Variants in NDUFS2 observed in about 807,000 individuals in gnomAD.
NDUFS2 encodes the protein NADH dehydrogenase [ubiquinone] iron-sulfur protein 2, mitochondrial.
Under a neutral mutation model 69.6 loss-of-function variants are expected in NDUFS2, and 38 were observed. The observed-to-expected ratio is 0.55, with a 90% confidence interval of 0.42 to 0.72. The LOEUF (loss-of-function observed/expected upper bound fraction) is 0.72. NDUFS2 is among the 30% of genes least tolerant of loss of function. The pLI, the probability that NDUFS2 is intolerant of heterozygous loss-of-function variation, is 0.00. For missense variants in NDUFS2, 468 were observed against 595.0 expected, an observed-to-expected ratio of 0.79 and a Z score of 2.22; for synonymous variants, 194 against 211.2, an observed-to-expected ratio of 0.92 and a Z score of 0.70.
intron 6 of NDUFS2, 34 bp downstream of exon 6, chr1:161,209,965 CCCAGG>C: frequency 6.2e-7 from 1 of 1,612,558 alleles, no homozygotes; most frequent in Non-Finnish European, 8.5e-7. Context: ...AAATGTCCAG[CCCAGG>C]CCTATTTTCC....
At chr1:161,204,407 C>G (rs1209811536) in intron 2 of NDUFS2, among the ~76,000 whole-genome samples, 1 of 152,146 alleles carries the variant, frequency 6.6e-6, no homozygotes, top group Non-Finnish European at 1.5e-5. Flanking sequence ...TGTCTCATAT[C>G]TGGTCATCTC....
upstream of NDUFS2, chr1:161,198,687 C>A: frequency 7.1e-7 from 1 of 1,412,476 alleles, no homozygotes; most frequent in Non-Finnish European, 9.3e-7. This position sits in a 1 kb window ranked among gnomAD's most constrained non-coding sequence, Gnocchi z 4.7. Context: ...TCCTCCACAC[C>A]CTAGCTTTGG....
At chr1:161,197,634 T>G, upstream of NDUFS2, 2 of 228,894 alleles carry the variant, frequency 8.7e-6, no homozygotes, top group Non-Finnish European at 1.7e-5. Flanking sequence ...GAAAATCAAA[T>G]TTGGAGCAGA....
chr1:161,201,372 G>A (rs1665112011), upstream of NDUFS2, among the ~76,000 whole-genome samples: 1 of 152,216 alleles, frequency 6.6e-6, no homozygotes, highest in Non-Finnish European at 1.5e-5. Context: ...GGGGATATCT[G>A]GGGAAGGCCT....
At chr1:161,198,128 C>T (rs770946691), upstream of NDUFS2, 6 of 1,613,880 alleles carry the variant, frequency 3.7e-6, no homozygotes, top group South Asian at 6.6e-5. The surrounding 1 kb of genome is among the most constrained non-coding windows in gnomAD (Gnocchi z 4.7). Flanking sequence ...AGGGGTGCCT[C>T]CCTCCAGGGG....
intron 13 of NDUFS2, 83 bp downstream of exon 13, chr1:161,214,004 G>C (rs1665915358): frequency 6.2e-7 from 1 of 1,613,706 alleles, no homozygotes. Context: ...AACACTTCCT[G>C]TTCACCATAG....
intron 1 of NDUFS2, among the ~76,000 whole-genome samples, chr1:161,203,181 C>T (rs1665249060): frequency 6.6e-6 from 1 of 152,170 alleles, no homozygotes; most frequent in African/African-American, 2.4e-5. Flanking sequence ...TGGCGCATGC[C>T]TGTAATCTCA....
chr1:161,206,748 G>A, intron 3 of NDUFS2, 151 bp downstream of exon 3: 1 of 801,140 alleles, frequency 1.2e-6, no homozygotes, highest in Non-Finnish European at 2.0e-6. Flanking sequence ...ATGGAGGGAA[G>A]TGGCAGGGGA....
Position 161,209,311 on chromosome 1 carries a change from G to A in NDUFS2, c.512G>A (p.Arg171Gln), listed in dbSNP as rs1430253546. The change falls in exon 4 of 14, where the codon CGA (arginine) becomes CAA (glutamine). Residue 171 changes from arginine to glutamine, a missense_variant and splice_region_variant. By Grantham distance (43) the Arg-to-Gln change is conservative (BLOSUM62 1). Transcript: ENST00000676972. ...CCTCCTCCTCGGGCACAGTGGATCC[G>A]AGGTATGTCCCCCCAACTTTTTCTG... ...IRPPPRAQWI[R>Q]VLFGEITRLL... is the part of the protein sequence containing the mutation. The A allele has an allele frequency of 1.9e-6, 3 of 1,614,000 alleles. No homozygotes were observed. The highest frequency in any genetic ancestry group is 3.3e-5 in the Admixed American group (2 of 59,992).
upstream of NDUFS2, chr1:161,198,564 G>T: frequency 6.4e-7 from 1 of 1,558,428 alleles, no homozygotes; most frequent in Non-Finnish European, 8.7e-7. This position sits in a 1 kb window ranked among gnomAD's most constrained non-coding sequence, Gnocchi z 4.7. Context: ...AGGAGGCAGG[G>T]TTGGGCTCCC....
chr1:161,199,991 C>G (rs1480066911), upstream of NDUFS2, among the ~76,000 whole-genome samples: 2 of 151,986 alleles, frequency 1.3e-5, no homozygotes, highest in South Asian at 4.2e-4. Context: ...AACCCTCCCC[C>G]AGCCTCAAGT....
At chr1:161,212,170 G>GAA (rs79986323) in intron 9 of NDUFS2, among the ~76,000 whole-genome samples, 181 bp from the exon 10 acceptor site, 4 of 137,216 alleles carry the variant, frequency 2.9e-5, no homozygotes, top group Admixed American at 1.5e-4. Context: ...CCCTGTTTCA[G>GAA]AAAAAAAAAA....
chr1:161,197,678 C>T (rs1664908163), upstream of NDUFS2, among the ~76,000 whole-genome samples: 1 of 152,038 alleles, frequency 6.6e-6, no homozygotes, highest in South Asian at 2.1e-4. Flanking sequence ...TGTTAGGAGA[C>T]CTTTACTGCT....
upstream of NDUFS2, chr1:161,201,971 T>C (rs1423432885): frequency 7.0e-6 from 2 of 283,850 alleles, no homozygotes; most frequent in Non-Finnish European, 1.4e-5. Context: ...GGCTACCCTA[T>C]AAGGGCAGGG....
At position 161,213,433 on chromosome 1, in the gene NDUFS2, A is replaced by G. The variant is rs1665880657; in HGVS notation, c.1170A>G (p.Gln390=). The G allele has an allele frequency of 3.1e-6, 5 of 1,611,086 alleles. No homozygotes were observed. In the African/African-American group the frequency reaches 6.7e-5, roughly 22 times the overall value. The change falls in exon 11 of 14, where the codon CAA becomes CAG. Residue 390 remains glutamine (Q), a synonymous_variant. Coordinates refer to ENST00000676972, the MANE Select transcript of NDUFS2 (RefSeq NM_001377299.1). ...TTAAGTTGTATACTGAGGGCTACCA[A>G]GTTCCTCCAGGAGCCACATATACTG... ...HHFKLYTEGY[Q]VPPGATYTAI... is the part of the protein sequence containing the mutation.
At chr1:161,199,996 T>C (rs1665046253), upstream of NDUFS2, among the ~76,000 whole-genome samples, 1 of 149,556 alleles carries the variant, frequency 6.7e-6, no homozygotes, top group South Asian at 2.1e-4. Context: ...TCCCCCAGCC[T>C]CAAGTCAGCC....
At chr1:161,200,899 A>C (rs1380833091), upstream of NDUFS2, among the ~76,000 whole-genome samples, 3 of 152,086 alleles carry the variant, frequency 2.0e-5, no homozygotes, top group African/African-American at 7.2e-5. Flanking sequence ...GAAGGCACAA[A>C]AGCTGCAGTG....
chr1:161,210,713 A>T lies in NDUFS2; in HGVS notation c.986+3A>T. The T allele has an allele frequency of 6.2e-7, 1 of 1,613,868 alleles. No individual in the cohort carries two copies. Among genetic ancestry groups the T allele is most frequent in the African/African-American group, 1.3e-5 (1 of 74,966 alleles). On this transcript the variant is annotated splice_donor_region_variant and intron_variant, in intron 9 of 13. Transcript: ENST00000676972. ...TCTCGAGGGGACTGCTATGATAGGT[A>T]AGGCCCCAATCCTTTCTTGGCTGAT...
chr1:161,214,250 C>A lies in NDUFS2; in HGVS notation c.*57C>A, dbSNP rs1665932086. The A allele has an allele frequency of 6.6e-7, 1 of 1,515,332 alleles. No homozygotes were observed. The highest frequency in any genetic ancestry group is 2.3e-5 in the East Asian group (1 of 43,984). The allele number at this position is 1,515,332 out of a possible 1,614,324, so 93.9% of individuals were successfully genotyped here. A position where few individuals can be genotyped will look rare whatever the true frequency, so the allele number is the denominator to read the frequency against. On this transcript the variant is annotated 3_prime_UTR_variant, in exon 14 of 14. Transcript: ENST00000676972. ...ATCAGCTTCTTCTGTGGAGCCTGTTCCTCACTGGAAATTGGCCTCTGTGTG... is the reference window on the plus strand; with the variant it reads ...ATCAGCTTCTTCTGTGGAGCCTGTTACTCACTGGAAATTGGCCTCTGTGTG...
Sources: gnomAD v4.1 joint callset for allele counts (sites outside exome capture counted in the v4.1 genomes callset) on GRCh38, gnomAD v4.1.1 for gene constraint, Gnocchi (gnomAD v3.1) non-coding constraint, MANE v1.5 for transcripts, NCBI Gene and HGNC (gene_info 2026-07-23, HGNC 2026-07-21) for gene names.